Variants in RAB3IP observed in about 807,000 individuals in gnomAD.
RAB3IP encodes rab-3A-interacting protein.
In RAB3IP, 36 loss-of-function variants were observed where a neutral mutation model predicts 59.1. The ratio of observed to expected loss-of-function variants is 0.61; its 90% CI spans 0.47 to 0.80. RAB3IP has a LOEUF of 0.80. RAB3IP is among the 30% of genes least tolerant of loss of function. The pLI is 0.00. For synonymous variants in RAB3IP, 207 were observed against 191.2 expected, an observed-to-expected ratio of 1.08 and a Z score of -0.68; for missense variants, 511 against 536.0, an observed-to-expected ratio of 0.95 and a Z score of 0.46.
intron 3 of RAB3IP, among the ~76,000 whole-genome samples, chr12:69,756,909 T>G (rs1870326906): frequency 6.6e-6 from 1 of 152,242 alleles, no homozygotes; most frequent in Non-Finnish European, 1.5e-5. Flanking sequence ...CCCACTGCAT[T>G]GCCTGCTCCC....
intron 8 of RAB3IP, among the ~76,000 whole-genome samples, chr12:69,807,438 GCGC>G (rs1354339818): frequency 7.0e-6 from 1 of 142,882 alleles, no homozygotes; most frequent in Non-Finnish European, 1.5e-5. Context: ...CCGGGCGGAG[GCGC>G]TCCTCACATC....
At position 69,794,664 on chromosome 12, in the gene RAB3IP, T is replaced by C. The variant is rs1039858120; in HGVS notation, c.684+150T>C. ...GAAAAATAGAAGAAAATAGCTACTATGTAGGTATAATTAATAGTAAACATT... is the reference window on the plus strand; with the variant it reads ...GAAAAATAGAAGAAAATAGCTACTACGTAGGTATAATTAATAGTAAACATT... On this transcript the variant is annotated intron_variant, in intron 5 of 10. Transcript: ENST00000247833. The C allele has an allele frequency of 9.9e-5, 59 of 595,650 alleles. 1 individual carries two copies. The highest frequency in any genetic ancestry group is 2.9e-6 in the Non-Finnish European group (1 of 343,726). 36.9% of individuals were successfully genotyped at this position (595,650 alleles called of 1,614,324 possible).
At chr12:69,811,191 A>G (rs1880398072) in intron 8 of RAB3IP, among the ~76,000 whole-genome samples, 1 of 152,166 alleles carries the variant, frequency 6.6e-6, no homozygotes, top group Non-Finnish European at 1.5e-5. Flanking sequence ...ATGAGAACAC[A>G]TGGACACATA....
In RAB3IP at chr12:69,808,297, T is replaced by A. The variant is rs539529068; in HGVS notation, c.1131-4481T>A. 6.5e-3 allele frequency among the ~76,000 whole-genome samples: 993 copies of A among 152,194 alleles called. 9 individuals are homozygous for A. Among genetic ancestry groups the A allele is most frequent in the African/African-American group, 0.023 (938 of 41,506 alleles). ...CTGTTCTTTTACATTTGCTGAGGTG[T>A]GCTTTACTTCCAACTATGTGGTCAA... On this transcript the variant is annotated intron_variant, in intron 8 of 10. Transcript: ENST00000247833.
intron 1 of RAB3IP, among the ~76,000 whole-genome samples, chr12:69,741,935 T>A (rs1225499280): frequency 3.3e-5 from 5 of 152,256 alleles, no homozygotes; most frequent in Non-Finnish European, 5.9e-5. Context: ...ATTCTCATTG[T>A]GTCACCAGAG....
intron 3 of RAB3IP, among the ~76,000 whole-genome samples, 154 bp downstream of exon 3, chr12:69,756,817 A>G: frequency 6.6e-6 from 1 of 152,200 alleles, no homozygotes; most frequent in East Asian, 1.9e-4. Flanking sequence ...GCATTTAGGA[A>G]TCCGTGAAAC....
At chr12:69,745,350 A>T (rs1868292419) in intron 1 of RAB3IP, among the ~76,000 whole-genome samples, 1 of 152,134 alleles carries the variant, frequency 6.6e-6, no homozygotes, top group Non-Finnish European at 1.5e-5. Flanking sequence ...GGTATAAAAT[A>T]TCTACACTTT....
chr12:69,791,385 A>G (rs1291053939), intron 4 of RAB3IP, among the ~76,000 whole-genome samples: 1 of 152,214 alleles, frequency 6.6e-6, no homozygotes, highest in African/African-American at 2.4e-5. Context: ...AGTCAACAAA[A>G]TGAAGAAGCG....
chr12:69,785,310 G>T (rs1466354465), intron 4 of RAB3IP, among the ~76,000 whole-genome samples: 1 of 152,204 alleles, frequency 6.6e-6, no homozygotes, highest in Non-Finnish European at 1.5e-5. Flanking sequence ...ACTGTAGGAC[G>T]TTTAGTGTCC....
intron 3 of RAB3IP, among the ~76,000 whole-genome samples, chr12:69,784,409 A>T (rs1472731328): frequency 6.6e-6 from 1 of 150,864 alleles, no homozygotes; most frequent in Non-Finnish European, 1.5e-5. Flanking sequence ...AAAGGAAAAA[A>T]AGAAGTCATT....
At position 69,820,395 on chromosome 12, in the gene RAB3IP, T is replaced by C. The variant is rs555619592; in HGVS notation, c.*4949T>C. ...TACCACTCTGCCCAAGCTATTATCA[T>C]CTTTCACCTGAACTCCTGCACTAAT... On this transcript the variant is annotated 3_prime_UTR_variant, in exon 11 of 11. Coordinates refer to ENST00000247833, the MANE Select transcript of RAB3IP (RefSeq NM_022456.5). 6 of 152,152 alleles carry C rather than the reference T, an allele frequency of 3.9e-5. No homozygotes were observed. Among genetic ancestry groups the C allele is most frequent in the African/African-American group, 1.4e-4 (6 of 41,380 alleles). 9.4% of individuals were successfully genotyped at this position (152,152 alleles called of 1,614,324 possible).
intron 4 of RAB3IP, among the ~76,000 whole-genome samples, chr12:69,785,980 G>A (rs1400746840): frequency 6.6e-6 from 1 of 152,052 alleles, no homozygotes. Context: ...AAACATTGAT[G>A]TGTTACTGGA....
At chr12:69,796,055 C>G (rs967984531) in intron 6 of RAB3IP, 1 of 152,410 alleles carries the variant, frequency 6.6e-6, no homozygotes, top group Non-Finnish European at 1.5e-5. Flanking sequence ...AATCTCAGCA[C>G]TTTGGGAGGC....
intron 1 of RAB3IP, among the ~76,000 whole-genome samples, chr12:69,751,088 T>TTA (rs1425025512): frequency 6.6e-6 from 1 of 152,176 alleles, no homozygotes; most frequent in African/African-American, 2.4e-5. Flanking sequence ...ATTTACCAAT[T>TTA]TTGAAAATAA....
chr12:69,759,729 G>A (rs1467371401), intron 3 of RAB3IP, among the ~76,000 whole-genome samples: 1 of 150,594 alleles, frequency 6.6e-6, no homozygotes, highest in Non-Finnish European at 1.5e-5. Flanking sequence ...CGGACGGGGC[G>A]GCTGCCGGGC....
chr12:69,775,448 T>A (rs1293245330), intron 3 of RAB3IP, among the ~76,000 whole-genome samples: 2 of 111,366 alleles, frequency 1.8e-5, no homozygotes, highest in Non-Finnish European at 3.6e-5. Context: ...TCCAACACTA[T>A]GTTGAATAGG....
chr12:69,752,004 CT>C (rs769835694), intron 1 of RAB3IP, among the ~76,000 whole-genome samples: 5,630 of 129,362 alleles, frequency 0.044, 121 homozygotes, highest in Non-Finnish European at 0.049. Flanking sequence ...TTCTTTTGTT[CT>C]TTTTTTTTTT....
chr12:69,804,297 C>T (rs1252853832), intron 8 of RAB3IP, among the ~76,000 whole-genome samples: 2 of 152,188 alleles, frequency 1.3e-5, no homozygotes, highest in Non-Finnish European at 2.9e-5. Flanking sequence ...TAAATGTCTT[C>T]TTTTGACAAA....
At chr12:69,804,928 G>A (rs902530356) in intron 8 of RAB3IP, among the ~76,000 whole-genome samples, 22 of 152,192 alleles carry the variant, frequency 1.4e-4, no homozygotes, top group Middle Eastern at 3.4e-3. Flanking sequence ...GTCAGGTAGC[G>A]TGATGCCTCC....
Sources: gnomAD v4.1 joint callset for allele counts (sites outside exome capture counted in the v4.1 genomes callset) on GRCh38, gnomAD v4.1.1 for gene constraint, MANE v1.5 for transcripts, NCBI Gene and HGNC (gene_info 2026-07-23, HGNC 2026-07-21) for gene names.